HDLBP: variants seen among roughly 807,000 people sequenced by gnomAD.
HDLBP encodes the protein high density lipoprotein binding protein, also known as vigilin.
HDLBP carries 30 observed loss-of-function variants against 137.3 expected under a neutral mutation model. The ratio of observed to expected loss-of-function variants is 0.22; its 90% CI spans 0.16 to 0.30. The LOEUF is 0.30. Among genes scored for constraint, HDLBP ranks in the 10% least tolerant of loss-of-function variants. The pLI is 1.00. For missense variants in HDLBP, 1,119 were observed against 1,667.3 expected (o/e 0.67, Z 5.73); for synonymous variants, 606 against 596.0 (o/e 1.02, Z -0.24).
intron 1 of HDLBP, among the ~76,000 whole-genome samples, chr2:241,294,035 G>A (rs2075095848): frequency 6.6e-6 from 1 of 151,832 alleles, no homozygotes. Flanking sequence ...CCTGACAAAA[G>A]AAAAGAACAC....
chr2:241,239,594 G>T lies in HDLBP; in HGVS notation c.2610+8C>A, dbSNP rs1057481967. ...TGAGAACCCCTCCCCGAGCACCCAA[G>T]TGCCTACCAGGTCCTCAATGATCTC... On this transcript the variant is annotated splice_region_variant and intron_variant, in intron 19 of 27. Coordinates refer to ENST00000310931, the MANE Select transcript of HDLBP (RefSeq NM_005336.6). The surrounding 1 kb of genome is among the most constrained non-coding windows in gnomAD (Gnocchi z 4.6). 3 of 1,612,592 alleles carry T rather than the reference G, an allele frequency of 1.9e-6. No homozygotes were observed. The highest frequency in any genetic ancestry group is 2.5e-6 in the Non-Finnish European group (3 of 1,178,644).
chr2:241,277,251 AAAAAT>A (rs1174646933), intron 1 of HDLBP, among the ~76,000 whole-genome samples: 3 of 152,158 alleles, frequency 2.0e-5, no homozygotes, highest in Admixed American at 1.3e-4. Flanking sequence ...TGAAGAGGAA[AAAAAT>A]AAAATAAGCT....
In HDLBP at chr2:241,230,128, G is replaced by A; in HGVS notation, c.3591+25C>T. 1 of 1,598,430 alleles carries A rather than the reference G, an allele frequency of 6.3e-7. No individual in the cohort carries two copies. Among genetic ancestry groups the A allele is most frequent in the Non-Finnish European group, 8.6e-7 (1 of 1,166,012 alleles). On this transcript the variant is annotated intron_variant, in intron 26 of 27. Coordinates refer to ENST00000310931, the MANE Select transcript of HDLBP (RefSeq NM_005336.6). This position sits in a 1 kb window ranked among gnomAD's most constrained non-coding sequence, Gnocchi z 5.0. ...CGGTGGACGTGCCAGGGCGCCTCAG[G>A]GCTCCAAGGCCCACAGAGACTCACG... is the stretch of plus-strand genomic sequence containing the variant.
chr2:241,239,478 C>A lies in HDLBP; in HGVS notation c.2610+124G>T. On this transcript the variant is annotated intron_variant, in intron 19 of 27. Transcript: ENST00000310931. The surrounding 1 kb of genome is among the most constrained non-coding windows in gnomAD (Gnocchi z 4.6). ...AAGAGCGAGCACCAGAAAGCCCCTT[C>A]TGAAGCCTTCCAGGGCTGTATGAGG... 1 of 745,258 alleles carries A rather than the reference C, an allele frequency of 1.3e-6. No homozygotes were observed. Among genetic ancestry groups the A allele is most frequent in the East Asian group, 2.5e-5 (1 of 39,416 alleles). 46.2% of individuals were successfully genotyped at this position (745,258 alleles called of 1,614,324 possible).
intron 20 of HDLBP, 125 bp from the exon 21 acceptor site, chr2:241,236,894 C>G (rs1413250788): frequency 1.1e-6 from 1 of 951,624 alleles, no homozygotes; most frequent in Non-Finnish European, 1.6e-6. Flanking sequence ...GAAAACCACT[C>G]CTGTCCTTCA....
chr2:241,232,797 A>G lies in HDLBP; in HGVS notation c.3288+1023T>C, dbSNP rs540625505. Among the ~76,000 whole-genome samples, 251 of 152,192 alleles carry G rather than the reference A, an allele frequency of 1.6e-3. 1 individual carries two copies. The highest frequency in any genetic ancestry group is 3.9e-3 in the South Asian group (19 of 4,816). ...CCACTGCACTCCACCTGGGGCAACAAGACAAAGACTATCTCTCTCAAAAAA... is the reference window on the plus strand; with the variant it reads ...CCACTGCACTCCACCTGGGGCAACAGGACAAAGACTATCTCTCTCAAAAAA... On this transcript the variant is annotated intron_variant, in intron 24 of 27. Transcript: ENST00000310931.
chr2:241,257,517 C>T (rs1431716785), intron 5 of HDLBP, among the ~76,000 whole-genome samples: 1 of 152,000 alleles, frequency 6.6e-6, no homozygotes. Flanking sequence ...AGGTGTGAGC[C>T]ACTGCGCCTG....
intron 4 of HDLBP, among the ~76,000 whole-genome samples, chr2:241,263,425 A>G (rs1436596592): frequency 1.3e-5 from 2 of 152,180 alleles, no homozygotes; most frequent in Non-Finnish European, 2.9e-5. Context: ...AGCAGGAGGC[A>G]TTCTGCTTGA....
intron 1 of HDLBP, among the ~76,000 whole-genome samples, chr2:241,306,628 G>A (rs2075584517): frequency 6.6e-6 from 1 of 152,024 alleles, no homozygotes; most frequent in Non-Finnish European, 1.5e-5. Flanking sequence ...AGTCAGGCTG[G>A]GAGCAGTGGC....
Position 241,229,619 on chromosome 2 carries a change from A to G in HDLBP, c.3789T>C (p.Pro1263=), listed in dbSNP as rs763752945. ...FGAQVAPKTL[P]WGPKR is the part of the protein sequence containing the mutation. ...TTGATCATTATCGTTTGGGGCCCCA[A>G]GGGAGGGTCTTGGGAGCCACCTGAG... is the stretch of plus-strand genomic sequence containing the variant. Residue 1263 remains proline, a synonymous_variant, in exon 28 of 28, where the codon CCT becomes CCC. Coordinates refer to ENST00000310931, the MANE Select transcript of HDLBP (RefSeq NM_005336.6). The G allele has an allele frequency of 3.4e-5, 55 of 1,613,894 alleles. No individual in the cohort carries two copies. The South Asian group carries it at 5.1e-4, about 15-fold the overall frequency.
rs1002311873 is a variant in HDLBP at position 241,272,568 on chromosome 2, C to A, written c.-102-4027G>T. On this transcript the variant is annotated intron_variant, in intron 1 of 27. Transcript: ENST00000310931. This position sits in a 1 kb window ranked among gnomAD's most constrained non-coding sequence, Gnocchi z 5.6. ...AGCCGGCCCCAGGTCTGGCCCGGAA[C>A]CGCCACGCGCGGTAAGCAGGACACC... is the stretch of plus-strand genomic sequence containing the variant. The A allele has an allele frequency of 5.1e-6, 5 of 984,378 alleles. No individual in the cohort carries two copies. In the African/African-American group the frequency reaches 8.8e-5, roughly 17 times the overall value. 61.0% of individuals were successfully genotyped at this position (984,378 alleles called of 1,614,324 possible).
chr2:241,304,618 T>C (rs537081501), intron 1 of HDLBP, among the ~76,000 whole-genome samples: 1 of 152,178 alleles, frequency 6.6e-6, no homozygotes, highest in African/African-American at 2.4e-5. Flanking sequence ...TGGTGAAAAA[T>C]AAATGCCAAT....
intron 5 of HDLBP, among the ~76,000 whole-genome samples, chr2:241,257,649 T>C (rs2072766439): frequency 6.6e-6 from 1 of 152,158 alleles, no homozygotes; most frequent in Non-Finnish European, 1.5e-5. Context: ...CTCCTTAAAA[T>C]AGCTAACAGA....
At chr2:241,249,460 C>T (rs956120202) in intron 12 of HDLBP, 1 of 486,202 alleles carries the variant, frequency 2.1e-6, no homozygotes, top group Middle Eastern at 5.8e-4. Flanking sequence ...ACAGCCCCCA[C>T]TTCAGGTTTG....
chr2:241,259,640 G>A (rs1306138203), intron 5 of HDLBP, among the ~76,000 whole-genome samples: 1 of 152,080 alleles, frequency 6.6e-6, no homozygotes, highest in African/African-American at 2.4e-5. Context: ...AGGTGAGCAC[G>A]CCACCACTAT....
chr2:241,290,250 G>A (rs575599253), intron 1 of HDLBP, among the ~76,000 whole-genome samples: 1 of 152,296 alleles, frequency 6.6e-6, no homozygotes, highest in Non-Finnish European at 1.5e-5. Flanking sequence ...AGAAGGGACA[G>A]GGGACAGGGA....
At chr2:241,293,379 C>T (rs1361726920) in intron 1 of HDLBP, among the ~76,000 whole-genome samples, 1 of 151,848 alleles carries the variant, frequency 6.6e-6, no homozygotes, top group Non-Finnish European at 1.5e-5. Context: ...CCTGTAGTCC[C>T]AGCTACTGAG....
At chr2:241,245,394 G>A (rs2071593813) in intron 16 of HDLBP, among the ~76,000 whole-genome samples, 1 of 152,108 alleles carries the variant, frequency 6.6e-6, no homozygotes, top group Admixed American at 6.5e-5. Flanking sequence ...GCCCAGGCTG[G>A]TCTTGAACTT....
At chr2:241,288,704 G>T (rs1343172099) in intron 1 of HDLBP, among the ~76,000 whole-genome samples, 1 of 152,128 alleles carries the variant, frequency 6.6e-6, no homozygotes, top group Non-Finnish European at 1.5e-5. Flanking sequence ...ACCCTGAGCC[G>T]CTGAAAGGTG....
Sources: gnomAD v4.1 joint callset for allele counts (sites outside exome capture counted in the v4.1 genomes callset) on GRCh38, gnomAD v4.1.1 for gene constraint, Gnocchi (gnomAD v3.1) non-coding constraint, MANE v1.5 for transcripts, NCBI Gene and HGNC (gene_info 2026-07-23, HGNC 2026-07-21) for gene names.